The following ADGB variants were observed in gnomAD, a reference collection of about 807,000 sequenced individuals.
The protein encoded by ADGB is calpain-7-like protein.
ADGB carries 172 observed loss-of-function variants against 210.5 expected under a neutral mutation model. The ratio of observed to expected loss-of-function variants is 0.82; its 90% CI spans 0.72 to 0.93. The LOEUF is 0.93. ADGB is among the 40% of genes least tolerant of loss of function. The pLI is 0.00. For missense variants in ADGB, 2,025 were observed against 1,964.8 expected, an observed-to-expected ratio of 1.03 and a Z score of -0.58; for synonymous variants, 658 against 662.7, an observed-to-expected ratio of 0.99 and a Z score of 0.11.
intron 29 of ADGB, among the ~76,000 whole-genome samples, chr6:146,772,176 G>C (rs1259816259): frequency 6.6e-6 from 1 of 151,964 alleles, no homozygotes; most frequent in East Asian, 1.9e-4. Flanking sequence ...TTCAATTGAA[G>C]ATCTTGCTCA....
chr6:146,662,907 A>G (rs1307239061), intron 5 of ADGB, among the ~76,000 whole-genome samples: 1 of 147,392 alleles, frequency 6.8e-6, no homozygotes, highest in Non-Finnish European at 1.5e-5. Context: ...TCATTCCACA[A>G]TCTTCTTATA....
At chr6:146,736,939 T>C (rs182518880) in intron 23 of ADGB, among the ~76,000 whole-genome samples, 4 of 152,216 alleles carry the variant, frequency 2.6e-5, no homozygotes, top group Non-Finnish European at 5.9e-5. Context: ...AGGACAACAC[T>C]TTCTAAACAG....
rs758737093 is a variant in ADGB at position 146,635,558 on chromosome 6, C to T, written c.237+21C>T. On this transcript the variant is annotated intron_variant, in intron 2 of 35. Transcript: ENST00000397944. ...TATTTGTAAGTAGATGTAAATGTGACTAGGTTTCATTTTGGTTTTTAATTT... is the reference window on the plus strand; with the variant it reads ...TATTTGTAAGTAGATGTAAATGTGATTAGGTTTCATTTTGGTTTTTAATTT... 20 of 1,469,444 alleles carry T rather than the reference C, an allele frequency of 1.4e-5. No homozygotes were observed. In the African/African-American group the frequency reaches 1.4e-4, roughly 11 times the overall value. The allele number at this position is 1,469,444 out of a possible 1,614,324, so 91.0% of individuals were successfully genotyped here.
At chr6:146,610,873 C>T (rs1780698505) in intron 1 of ADGB, among the ~76,000 whole-genome samples, 1 of 152,116 alleles carries the variant, frequency 6.6e-6, no homozygotes, top group Admixed American at 6.5e-5. Flanking sequence ...GCCCATGCTG[C>T]TGGTTGCAGG....
At chr6:146,650,657 T>G (rs372792599) in intron 3 of ADGB, among the ~76,000 whole-genome samples, 85 of 99,846 alleles carry the variant, frequency 8.5e-4, no homozygotes, top group South Asian at 2.6e-3. Flanking sequence ...ATTTTGGAAA[T>G]AGTTTCTCCC....
chr6:146,635,141 A>G (rs757816290), intron 1 of ADGB, among the ~76,000 whole-genome samples: 1 of 152,004 alleles, frequency 6.6e-6, no homozygotes, highest in Non-Finnish European at 1.5e-5. Context: ...AAATTCTTGC[A>G]TCAGTAAGTA....
intron 16 of ADGB, 100 bp downstream of exon 16, chr6:146,717,699 A>C (rs1026412173): frequency 1.7e-6 from 1 of 580,312 alleles, no homozygotes; most frequent in African/African-American, 2.0e-5. Flanking sequence ...TAAACTTGTA[A>C]CATAGTTATA....
intron 20 of ADGB, among the ~76,000 whole-genome samples, chr6:146,729,881 C>T (rs573129457): frequency 1.6e-4 from 25 of 152,118 alleles, no homozygotes; most frequent in Admixed American, 2.0e-4. Context: ...TTCTGCAGTT[C>T]GTTTGTAATG....
chr6:146,703,512 A>C (rs6935242), intron 13 of ADGB, among the ~76,000 whole-genome samples: 9,362 of 151,790 alleles, frequency 0.062, 931 homozygotes, highest in African/African-American at 0.21. Flanking sequence ...GTATTTTCCC[A>C]ATCACCCACA....
At chr6:146,687,511 G>T (rs377181479) in intron 10 of ADGB, among the ~76,000 whole-genome samples, 1 of 152,006 alleles carries the variant, frequency 6.6e-6, no homozygotes, top group Non-Finnish European at 1.5e-5. Flanking sequence ...GAATGAAGCC[G>T]CAAGCCATTA....
chr6:146,749,697 A>C, intron 26 of ADGB, among the ~76,000 whole-genome samples: 1 of 152,132 alleles, frequency 6.6e-6, no homozygotes, highest in East Asian at 1.9e-4. Context: ...TATGGAGAAA[A>C]GAGGTTTAAG....
At chr6:146,706,511 G>A (rs762303738) in intron 13 of ADGB, among the ~76,000 whole-genome samples, 1 of 152,050 alleles carries the variant, frequency 6.6e-6, no homozygotes, top group Non-Finnish European at 1.5e-5. Context: ...ACCTGCCTCA[G>A]CCTCCCAAAG....
At position 146,676,345 on chromosome 6, in the gene ADGB, A is replaced by G. The variant is rs74814862; in HGVS notation, c.1120A>G (p.Arg374Gly). The change falls in exon 9 of 36, where the codon AGA (arginine) becomes GGA (glycine). Residue 374 changes from arginine (R) to glycine (G), a missense_variant. Transcript: ENST00000397944. ...KADARDIGKK[R>G]SKDGEKEKFK... ...AGATGCAAGAGACATTGGAAAGAAG[A>G]GAAGCAAAGATGGAGAAAAAGAAAA... The G allele has an allele frequency of 4.5e-6, 7 of 1,549,428 alleles. No homozygotes were observed. The highest frequency in any genetic ancestry group is 5.2e-6 in the Non-Finnish European group (6 of 1,145,846).
rs908856092 is a variant in ADGB, at chr6:146,724,328, G to C, written c.2237+1G>C. ...CTACAGTGGTTCGTCTGCCTGTTGG[G>C]TATGAAGTGGCTTCATTTTTCCCAT... On this transcript the variant is annotated splice_donor_variant, in intron 18 of 35. Transcript: ENST00000397944. LOFTEE classifies it high-confidence loss of function. The C allele has an allele frequency of 2.0e-6, 3 of 1,508,524 alleles. No homozygotes were observed. Among genetic ancestry groups the C allele is most frequent in the Non-Finnish European group, 2.7e-6 (3 of 1,130,736 alleles). 93.4% of individuals were successfully genotyped at this position (1,508,524 alleles called of 1,614,324 possible). A position where few individuals can be genotyped will look rare whatever the true frequency, so the allele number is the denominator to read the frequency against.
rs772213585 is a variant in ADGB, at chr6:146,733,110, T to C, written c.2521-10T>C. ...ATTTTCTTGCTATAAAAAAAATTTA[T>C]GTGTTTCAGGTTTTTCATCTTTCCT... On this transcript the variant is annotated splice_polypyrimidine_tract_variant and intron_variant, in intron 20 of 35. Transcript: ENST00000397944. 3.4e-5 allele frequency: 50 copies of C among 1,487,568 alleles called. No individual in the cohort carries two copies. Among genetic ancestry groups the C allele is most frequent in the Non-Finnish European group, 3.9e-5 (44 of 1,114,866 alleles). The allele number at this position is 1,487,568 out of a possible 1,614,324, so 92.1% of individuals were successfully genotyped here.
intron 9 of ADGB, among the ~76,000 whole-genome samples, chr6:146,682,038 A>G (rs1328133097): frequency 6.6e-6 from 1 of 152,160 alleles, no homozygotes; most frequent in Non-Finnish European, 1.5e-5. Flanking sequence ...GCCTTAGCAC[A>G]GAGTAGGCAT....
At chr6:146,763,603 T>C (rs1263764409) in intron 27 of ADGB, among the ~76,000 whole-genome samples, 1 of 152,182 alleles carries the variant, frequency 6.6e-6, no homozygotes, top group African/African-American at 2.4e-5. Flanking sequence ...AAAATCAGTG[T>C]CTGGCGTTAG....
chr6:146,767,477 T>G (rs1300096073), intron 28 of ADGB, among the ~76,000 whole-genome samples: 1 of 152,090 alleles, frequency 6.6e-6, no homozygotes, highest in East Asian at 1.9e-4. Flanking sequence ...CCCATCAACT[T>G]TTTTCTTTTT....
At chr6:146,772,228 T>C (rs1028137098) in intron 29 of ADGB, among the ~76,000 whole-genome samples, 2 of 151,920 alleles carry the variant, frequency 1.3e-5, no homozygotes, top group Non-Finnish European at 1.5e-5. Flanking sequence ...ATGAGATTCA[T>C]AAAAATGTGC....
Sources: gnomAD v4.1 joint callset for allele counts (sites outside exome capture counted in the v4.1 genomes callset) on GRCh38, gnomAD v4.1.1 for gene constraint, MANE v1.5 for transcripts, NCBI Gene and HGNC (gene_info 2026-07-23, HGNC 2026-07-21) for gene names.